Variants in CRACR2A observed in about 807,000 individuals in gnomAD.
The protein encoded by CRACR2A is calcium release activated channel regulator 2A, also known as EF-hand calcium-binding domain-containing protein 4B.
CRACR2A carries 79 observed loss-of-function variants against 90.5 expected under a neutral mutation model. The observed-to-expected ratio is 0.87, with a 90% CI of 0.73 to 1.05. CRACR2A has a LOEUF of 1.05. Ranked by LOEUF, CRACR2A falls within the 50% of genes least tolerant of loss-of-function variation. The pLI, the probability that CRACR2A is intolerant of heterozygous loss-of-function variation, is 0.00. For synonymous variants in CRACR2A, 338 were observed against 356.7 expected, an observed-to-expected ratio of 0.95 and a Z score of 0.59; for missense variants, 823 against 897.2, an observed-to-expected ratio of 0.92 and a Z score of 1.06.
chr12:3,691,805 T>G (rs775976727), intron 4 of CRACR2A, among the ~76,000 whole-genome samples: 1 of 152,246 alleles, frequency 6.6e-6, no homozygotes, highest in Non-Finnish European at 1.5e-5. Context: ...TTTTGTCTCT[T>G]TACATAATCC....
chr12:3,694,390 C>A (rs1945702751), intron 4 of CRACR2A, among the ~76,000 whole-genome samples: 1 of 152,228 alleles, frequency 6.6e-6, no homozygotes, highest in South Asian at 2.1e-4. Flanking sequence ...CTGTCAAGGA[C>A]CTTTCCTGCT....
intron 2 of CRACR2A, chr12:3,726,565 C>T (rs1244235857): frequency 6.6e-6 from 1 of 152,072 alleles, no homozygotes; most frequent in Admixed American, 6.6e-5. Flanking sequence ...CCCCCCTTTC[C>T]TGGCCGTATA....
At chr12:3,667,942 C>T (rs1332228512) in intron 7 of CRACR2A, among the ~76,000 whole-genome samples, 8 of 152,168 alleles carry the variant, frequency 5.3e-5, no homozygotes, top group African/African-American at 1.7e-4. Context: ...GTGAAATTGC[C>T]GATTGGATTT....
chr12:3,673,311 G>A (rs530637873), intron 7 of CRACR2A, 135 bp downstream of exon 7: 19 of 1,041,356 alleles, frequency 1.8e-5, no homozygotes, highest in Non-Finnish European at 2.7e-5. Flanking sequence ...CAGACACAGG[G>A]CCTGGTCCCC....
At chr12:3,712,895 A>G (rs1474527231) in intron 3 of CRACR2A, among the ~76,000 whole-genome samples, 1 of 152,076 alleles carries the variant, frequency 6.6e-6, no homozygotes, top group Non-Finnish European at 1.5e-5. Flanking sequence ...AGCTCTTTGC[A>G]GAGAGGGGCT....
At chr12:3,716,320 T>C (rs1007832485) in intron 2 of CRACR2A, among the ~76,000 whole-genome samples, 7 of 152,186 alleles carry the variant, frequency 4.6e-5, no homozygotes, top group Admixed American at 2.0e-4. Context: ...TTTCATCCCC[T>C]GTTACAGTTC....
intron 17 of CRACR2A, among the ~76,000 whole-genome samples, chr12:3,621,542 C>T (rs113675080): frequency 0.061 from 8,967 of 147,102 alleles, 387 homozygotes; most frequent in South Asian, 0.11. Flanking sequence ...GTCCCAGCTA[C>T]TTGGGAGGCT....
rs772875924 is a variant in CRACR2A at position 3,635,941 on chromosome 12, C to T, written c.1602+2183G>A. On this transcript the variant is annotated intron_variant, in intron 14 of 19. Coordinates refer to ENST00000440314, the MANE Select transcript of CRACR2A (RefSeq NM_001144958.2). ...AATTTGAGATATATAAAATTTTATC[C>T]TACTTTATCATATATTATTAACTTA... 1.1e-3 allele frequency among the ~76,000 whole-genome samples: 174 copies of T among 152,040 alleles called. 2 individuals are homozygous for T. The highest frequency in any genetic ancestry group is 1.5e-3 in the Non-Finnish European group (102 of 68,032).
At chr12:3,638,620 T>C (rs1256601886) in intron 13 of CRACR2A, among the ~76,000 whole-genome samples, 166 bp from the exon 14 acceptor site, 1 of 152,214 alleles carries the variant, frequency 6.6e-6, no homozygotes, top group African/African-American at 2.4e-5. Context: ...CTGCAGCTCA[T>C]TCATTCAACA....
chr12:3,644,705 C>A (rs1193569373), intron 11 of CRACR2A, 65 bp from the exon 12 acceptor site: 4 of 1,471,006 alleles, frequency 2.7e-6, no homozygotes, highest in Non-Finnish European at 3.7e-6. Flanking sequence ...CAACGGCAGC[C>A]AATTTGCTAT....
chr12:3,705,136 G>T (rs1278418810), intron 3 of CRACR2A, among the ~76,000 whole-genome samples: 1 of 152,150 alleles, frequency 6.6e-6, no homozygotes, highest in African/African-American at 2.4e-5. Context: ...AAATGGTGGA[G>T]TATATTCTAA....
At chr12:3,646,436 G>A (rs372903150) in intron 11 of CRACR2A, among the ~76,000 whole-genome samples, 3 of 152,194 alleles carry the variant, frequency 2.0e-5, no homozygotes, top group East Asian at 1.9e-4. Flanking sequence ...CAGGCGCTCC[G>A]CTAAGTGTGT....
chr12:3,628,685 G>A (rs1379740257), intron 15 of CRACR2A, among the ~76,000 whole-genome samples: 4 of 152,166 alleles, frequency 2.6e-5, no homozygotes, highest in African/African-American at 4.8e-5. Flanking sequence ...AAAGAGGTTC[G>A]AAAGTACATC....
At position 3,638,386 on chromosome 12, in the gene CRACR2A, G is replaced by C; in HGVS notation, c.1340C>G (p.Pro447Arg). The C allele has an allele frequency of 1.9e-6, 3 of 1,551,582 alleles. No individual in the cohort carries two copies. The highest frequency in any genetic ancestry group is 2.6e-6 in the Non-Finnish European group (3 of 1,146,944). Residue 447 changes from proline (P) to arginine (R), a missense_variant, in exon 14 of 20, where the codon CCC becomes CGC. Coordinates refer to ENST00000440314, the MANE Select transcript of CRACR2A (RefSeq NM_001144958.2). ...RRSSLGLSGYPLTEEEPGTGE... is the reference protein window; with the variant it reads ...RRSSLGLSGYRLTEEEPGTGE... ...GGTTCCTGGCTCCTCTTCTGTTAGG[G>C]GATATCCACTCAGGCCCAGGGAGCT...
chr12:3,661,643 A>T (rs1244080148), intron 7 of CRACR2A, among the ~76,000 whole-genome samples: 1 of 152,222 alleles, frequency 6.6e-6, no homozygotes, highest in Non-Finnish European at 1.5e-5. Context: ...TACTTCAGTG[A>T]CAGAAGCAGA....
At chr12:3,733,872 G>GACACACACACAC (rs56412036) in intron 1 of CRACR2A, among the ~76,000 whole-genome samples, 1 of 136,094 alleles carries the variant, frequency 7.3e-6, no homozygotes. Flanking sequence ...AAATTTTCAG[G>GACACACACACAC]ACACACACAC....
At chr12:3,708,851 T>C (rs1311054822) in intron 3 of CRACR2A, among the ~76,000 whole-genome samples, 1 of 152,240 alleles carries the variant, frequency 6.6e-6, no homozygotes, top group Non-Finnish European at 1.5e-5. Context: ...CTATGCGATA[T>C]ATTCTCCCAG....
rs772531623 is a variant in CRACR2A, at chr12:3,656,304, A to G, written c.858+7T>C. 6.2e-7 allele frequency: 1 copy of G among 1,614,010 alleles called. No individual in the cohort carries two copies. Among genetic ancestry groups the G allele is most frequent in the South Asian group, 1.1e-5 (1 of 91,074 alleles). On this transcript the variant is annotated splice_region_variant and intron_variant, in intron 9 of 19. Coordinates refer to ENST00000440314, the MANE Select transcript of CRACR2A (RefSeq NM_001144958.2). ...CAGGTACTCTGGGGCCATGGATGGC[A>G]ACATACCCTTTTCTGCTTCTGGGTG...
chr12:3,705,699 AGAG>A (rs1945906989), intron 3 of CRACR2A, among the ~76,000 whole-genome samples: 1 of 152,202 alleles, frequency 6.6e-6, no homozygotes, highest in Admixed American at 6.5e-5. Flanking sequence ...CAAACTGCAG[AGAG>A]GAGGAGGACT....
Sources: gnomAD v4.1 joint callset for allele counts (sites outside exome capture counted in the v4.1 genomes callset) on GRCh38, gnomAD v4.1.1 for gene constraint, MANE v1.5 for transcripts, NCBI Gene and HGNC (gene_info 2026-07-23, HGNC 2026-07-21) for gene names.